Variants in RBM19 observed in about 807,000 individuals in gnomAD.
RBM19 encodes RNA binding motif protein 19.
RBM19 carries 94 observed loss-of-function variants against 116.8 expected under a neutral mutation model. That is an observed-to-expected ratio of 0.80 (90% CI 0.68 to 0.95). The LOEUF (loss-of-function observed/expected upper bound fraction) is 0.95. Ranked by LOEUF, RBM19 falls within the 40% of genes least tolerant of loss-of-function variation. The probability of loss-of-function intolerance (pLI) is 0.00; values close to 1 mark genes in which losing one functional copy is unlikely to be tolerated. For missense variants in RBM19, 1,161 were observed against 1,220.7 expected, an observed-to-expected ratio of 0.95 and a Z score of 0.73; for synonymous variants, 475 against 494.1, an observed-to-expected ratio of 0.96 and a Z score of 0.51.
intron 15 of RBM19, among the ~76,000 whole-genome samples, chr12:113,937,807 C>G (rs1181150615): frequency 6.9e-6 from 1 of 143,996 alleles, no homozygotes; most frequent in Non-Finnish European, 1.5e-5. Flanking sequence ...GGGTGATAAA[C>G]AAGACACTGA....
chr12:113,833,401 G>A (rs1175603970), intron 23 of RBM19, among the ~76,000 whole-genome samples: 1 of 152,192 alleles, frequency 6.6e-6, no homozygotes, highest in Non-Finnish European at 1.5e-5. Context: ...CAGGGGATGA[G>A]GTCTGACAGT....
intron 21 of RBM19, among the ~76,000 whole-genome samples, chr12:113,889,681 A>C (rs1289869737): frequency 2.6e-5 from 4 of 152,094 alleles, no homozygotes; most frequent in Non-Finnish European, 5.9e-5. Context: ...AACAAAAAAA[A>C]AAACAAAAAG....
intron 22 of RBM19, among the ~76,000 whole-genome samples, chr12:113,857,238 G>A (rs1378719407): frequency 6.6e-6 from 1 of 152,204 alleles, no homozygotes; most frequent in African/African-American, 2.4e-5. Context: ...ATGTGTGCAC[G>A]AATCCATAGA....
At position 113,906,317 on chromosome 12, in the gene RBM19, C is replaced by T. The variant is rs148294801; in HGVS notation, c.2558+8652G>A. ...GATTACAACTGCAACATAGCAAGTGCGGATCCCAGAAATAGAATGATGATC... is the reference window on the plus strand; with the variant it reads ...GATTACAACTGCAACATAGCAAGTGTGGATCCCAGAAATAGAATGATGATC... On this transcript the variant is annotated intron_variant, in intron 21 of 23. Transcript: ENST00000261741. 2.6e-3 allele frequency among the ~76,000 whole-genome samples: 398 copies of T among 152,282 alleles called. 3 individuals are homozygous for T. Among genetic ancestry groups the T allele is most frequent in the Admixed American group, 0.013 (198 of 15,298 alleles).
chr12:113,823,451 C>A lies in RBM19; in HGVS notation c.2786-130G>T, dbSNP rs993781256. ...AGAACAAGGGTGCGGGGAGACAGAA[C>A]AGAAGCGAGAGAATGCAAGAGAGGG... is the stretch of plus-strand genomic sequence containing the variant. On this transcript the variant is annotated intron_variant, in intron 23 of 23. Transcript: ENST00000261741. The A allele has an allele frequency of 4.2e-6, 3 of 722,072 alleles. No homozygotes were observed. The African/African-American group carries it at 5.3e-5, about 13-fold the overall frequency. 44.7% of individuals were successfully genotyped at this position (722,072 alleles called of 1,614,324 possible). A position where few individuals can be genotyped will look rare whatever the true frequency, so the allele number is the denominator to read the frequency against.
At chr12:113,958,185 C>A in intron 5 of RBM19, 135 bp from the exon 6 acceptor site, 1 of 1,471,724 alleles carries the variant, frequency 6.8e-7, no homozygotes, top group Non-Finnish European at 9.0e-7. Flanking sequence ...CTGTGCCCAG[C>A]ATCCCCCATA....
intron 21 of RBM19, among the ~76,000 whole-genome samples, chr12:113,861,474 C>CTG (rs57704604): frequency 0.22 from 27,568 of 126,240 alleles, 3,092 homozygotes; most frequent in Non-Finnish European, 0.26. Flanking sequence ...AAGCCAGACT[C>CTG]TGTGTGTGTG....
intron 21 of RBM19, among the ~76,000 whole-genome samples, chr12:113,870,472 T>C (rs529589939): frequency 1.3e-5 from 2 of 152,338 alleles, no homozygotes; most frequent in African/African-American, 4.8e-5. Flanking sequence ...AGTCCTGTAC[T>C]GTGCTGCTCT....
At chr12:113,881,183 C>T (rs1029737133) in intron 21 of RBM19, among the ~76,000 whole-genome samples, 6 of 152,178 alleles carry the variant, frequency 3.9e-5, no homozygotes, top group African/African-American at 9.6e-5. Context: ...TGGCTTTTCT[C>T]GAGCGAGTTT....
intron 23 of RBM19, among the ~76,000 whole-genome samples, chr12:113,841,617 G>A (rs1876483919): frequency 6.6e-6 from 1 of 152,004 alleles, no homozygotes; most frequent in Non-Finnish European, 1.5e-5. Context: ...TAGAGACGGG[G>A]TTTCACCATG....
In RBM19 at chr12:113,945,823, C is replaced by T. The variant is rs1870961660; in HGVS notation, c.1626+5G>A. The T allele has an allele frequency of 6.5e-7, 1 of 1,540,768 alleles. No individual in the cohort carries two copies. The highest frequency in any genetic ancestry group is 9.0e-7 in the Non-Finnish European group (1 of 1,113,674). The stretch of plus-strand genomic sequence containing the variant: ...CCCAGAGAGGACTGGTCGGCCCTTA[C>T]TCACGTGGTCAAACACTTGACTCTT... On this transcript the variant is annotated splice_donor_5th_base_variant and intron_variant, in intron 13 of 23. Coordinates refer to ENST00000261741, the MANE Select transcript of RBM19 (RefSeq NM_016196.4).
chr12:113,950,280 C>T, intron 8 of RBM19, 126 bp from the exon 9 acceptor site: 1 of 726,568 alleles, frequency 1.4e-6, no homozygotes, highest in Non-Finnish European at 2.3e-6. Flanking sequence ...TTGGTCAGAT[C>T]TCCAAAATAC....
intron 21 of RBM19, among the ~76,000 whole-genome samples, chr12:113,876,955 G>A (rs894732110): frequency 2.6e-5 from 4 of 152,228 alleles, no homozygotes; most frequent in African/African-American, 9.6e-5. Context: ...AGCCAGTGAA[G>A]GGCCAGGACT....
At chr12:113,827,872 AG>A (rs1488642216) in intron 23 of RBM19, among the ~76,000 whole-genome samples, 1 of 151,250 alleles carries the variant, frequency 6.6e-6, no homozygotes, top group African/African-American at 2.4e-5. Context: ...CAGTTTCTGC[AG>A]TTACTGAATG....
chr12:113,947,862 C>T (rs1451463896), intron 10 of RBM19, among the ~76,000 whole-genome samples: 1 of 145,984 alleles, frequency 6.9e-6, no homozygotes, highest in African/African-American at 2.7e-5. Flanking sequence ...GCATTGGTTT[C>T]AACTCTGAAT....
intron 17 of RBM19, among the ~76,000 whole-genome samples, chr12:113,925,273 C>T (rs1480048975): frequency 1.3e-5 from 2 of 152,140 alleles, no homozygotes; most frequent in African/African-American, 2.4e-5. Flanking sequence ...AAGGCAGATA[C>T]CCAATAAACA....
chr12:113,877,415 T>A (rs915594537), intron 21 of RBM19, among the ~76,000 whole-genome samples: 1 of 152,188 alleles, frequency 6.6e-6, no homozygotes, highest in Non-Finnish European at 1.5e-5. Context: ...TGGCCAGATC[T>A]GGCCCATGAG....
intron 23 of RBM19, among the ~76,000 whole-genome samples, chr12:113,835,921 G>A (rs1044703007): frequency 6.6e-6 from 1 of 152,244 alleles, no homozygotes; most frequent in African/African-American, 2.4e-5. Context: ...CTGGCTGTGA[G>A]TGCTGTAAAA....
At chr12:113,823,422 G>A (rs1874593643) in intron 23 of RBM19, 101 bp from the exon 24 acceptor site, 1 of 1,004,288 alleles carries the variant, frequency 1.0e-6, no homozygotes, top group Non-Finnish European at 1.5e-6. Flanking sequence ...GGGGAGAGAT[G>A]AGCAGAACAA....
Sources: gnomAD v4.1 joint callset for allele counts (sites outside exome capture counted in the v4.1 genomes callset) on GRCh38, gnomAD v4.1.1 for gene constraint, MANE v1.5 for transcripts, NCBI Gene and HGNC (gene_info 2026-07-23, HGNC 2026-07-21) for gene names.